Variants in PPM1D observed in about 807,000 individuals in gnomAD.
PPM1D encodes protein phosphatase 1D.
Under a neutral mutation model 58.3 loss-of-function variants are expected in PPM1D, and 52 were observed. The ratio of observed to expected loss-of-function variants is 0.89; its 90% CI spans 0.71 to 1.12. The LOEUF is 1.12. Ranked by LOEUF, PPM1D falls within the 50% of genes most tolerant of loss-of-function variation. The pLI is 0.00. For missense variants in PPM1D, 564 were observed against 777.2 expected (o/e 0.73, Z 3.26); for synonymous variants, 278 against 285.1 (o/e 0.98, Z 0.25).
chr17:60,647,698 C>CT (rs2031273775), intron 3 of PPM1D, among the ~76,000 whole-genome samples, 194 bp from the exon 4 acceptor site: 1 of 152,168 alleles, frequency 6.6e-6, no homozygotes. Context: ...GGTGGATATA[C>CT]TTTATCAGGT....
At chr17:60,638,351 T>C (rs571558210) in intron 3 of PPM1D, among the ~76,000 whole-genome samples, 44 of 152,264 alleles carry the variant, frequency 2.9e-4, no homozygotes, top group African/African-American at 9.6e-4. Context: ...TTTCAAACCA[T>C]TATTCTGACA....
chr17:60,642,352 A>ATTTTT lies in PPM1D; in HGVS notation c.827-5521_827-5517dup, dbSNP rs760188816. ...AAAAATTGTACAGGTAGAAGAATGGATTTTTTTTTTTTTTTTTTTTTTTAC... is the reference window on the plus strand; with the variant it reads ...AAAAATTGTACAGGTAGAAGAATGGATTTTTTTTTTTTTTTTTTTTTTTTTTTTAC... On this transcript the variant is annotated intron_variant, in intron 3 of 5. Transcript: ENST00000305921. Among the ~76,000 whole-genome samples the ATTTTT allele has an allele frequency of 7.6e-4, 95 of 124,848 alleles. 1 individual carries two copies. The highest frequency in any genetic ancestry group is 2.7e-3 in the African/African-American group (86 of 32,254). 81.9% of individuals were successfully genotyped at this position (124,848 alleles called of 152,430 possible). A position where few individuals can be genotyped will look rare whatever the true frequency, so the allele number is the denominator to read the frequency against.
At chr17:60,614,643 C>T (rs1422948196) in intron 1 of PPM1D, among the ~76,000 whole-genome samples, 1 of 152,126 alleles carries the variant, frequency 6.6e-6, no homozygotes, top group African/African-American at 2.4e-5. Flanking sequence ...TGCTGCTGCT[C>T]ACTGGGTCCA....
chr17:60,602,790 A>AC (rs2030244568), intron 1 of PPM1D, among the ~76,000 whole-genome samples: 1 of 150,718 alleles, frequency 6.6e-6, no homozygotes, highest in African/African-American at 2.5e-5. Context: ...AAAAAAAAAA[A>AC]AAAAAAAAAA....
rs1335934551 is a variant in PPM1D at position 60,663,408 on chromosome 17, T to C, written c.1674T>C (p.Ser558=). The change falls in exon 6 of 6, where the codon AGT becomes AGC. Residue 558 remains serine, a synonymous_variant. Transcript: ENST00000305921. Reference sequence around the variant, plus strand: ...ATAGACGAAATGGCTTAAGTCGAAGTAGTGGTGCTCAGCCTGCAAGTCTCC... The same window carrying C: ...ATAGACGAAATGGCTTAAGTCGAAGCAGTGGTGCTCAGCCTGCAAGTCTCC... ...KKHRRNGLSR[S]SGAQPASLPT... is the part of the protein sequence containing the mutation. 6.2e-7 allele frequency: 1 copy of C among 1,614,182 alleles called. No homozygotes were observed. Among genetic ancestry groups the C allele is most frequent in the East Asian group, 2.2e-5 (1 of 44,896 alleles).
intron 3 of PPM1D, among the ~76,000 whole-genome samples, chr17:60,643,663 T>G (rs1196557028): frequency 1.3e-5 from 2 of 152,052 alleles, no homozygotes; most frequent in African/African-American, 4.8e-5. Context: ...TAGATAGCAC[T>G]TTAACCAAAT....
chr17:60,655,554 G>A (rs2031422366), intron 4 of PPM1D, among the ~76,000 whole-genome samples: 1 of 152,000 alleles, frequency 6.6e-6, no homozygotes, highest in Non-Finnish European at 1.5e-5. Flanking sequence ...TCGCCATGTT[G>A]GTCAGGCTGG....
chr17:60,663,183 T>A lies in PPM1D; in HGVS notation c.1449T>A (p.Thr483=), dbSNP rs1405979947. Residue 483 remains threonine (T), a synonymous_variant, in exon 6 of 6, where the codon ACT becomes ACA. Coordinates refer to ENST00000305921, the MANE Select transcript of PPM1D (RefSeq NM_003620.4). ...PLEENCAKAL[T]LRIHDSLNNS... ...AAGAAAATTGCGCTAAAGCCCTGAC[T>A]TTAAGGATACATGATTCTTTGAATA... The A allele has an allele frequency of 6.2e-7, 1 of 1,614,032 alleles. No homozygotes were observed. The highest frequency in any genetic ancestry group is 8.5e-7 in the Non-Finnish European group (1 of 1,179,982).
chr17:60,610,210 A>G (rs1598399549), intron 1 of PPM1D, among the ~76,000 whole-genome samples: 3 of 151,792 alleles, frequency 2.0e-5, no homozygotes, highest in South Asian at 2.1e-4. Flanking sequence ...GTATGTACGT[A>G]TAGGAAAAAA....
At chr17:60,648,361 T>C (rs1431679053) in intron 4 of PPM1D, among the ~76,000 whole-genome samples, 4 of 151,746 alleles carry the variant, frequency 2.6e-5, no homozygotes, top group African/African-American at 9.7e-5. Context: ...AAATGACATA[T>C]AATTTCCATA....
chr17:60,651,726 C>T (rs982003722), intron 4 of PPM1D, among the ~76,000 whole-genome samples: 8 of 152,002 alleles, frequency 5.3e-5, no homozygotes, highest in Non-Finnish European at 1.0e-4. Flanking sequence ...TTTTTTATTT[C>T]GTTTGTGGCA....
chr17:60,624,331 T>TTAAA (rs1294717182), intron 2 of PPM1D, among the ~76,000 whole-genome samples: 1 of 152,224 alleles, frequency 6.6e-6, no homozygotes, highest in Admixed American at 6.5e-5. Context: ...ATCTCAATAC[T>TTAAA]AATTTTTAAA....
At chr17:60,651,312 A>C (rs890251275) in intron 4 of PPM1D, among the ~76,000 whole-genome samples, 2 of 152,162 alleles carry the variant, frequency 1.3e-5, no homozygotes, top group Non-Finnish European at 2.9e-5. Context: ...CCTTTAATCA[A>C]TTCTGAGGTG....
At chr17:60,655,875 G>C (rs2031429557) in intron 4 of PPM1D, among the ~76,000 whole-genome samples, 1 of 150,540 alleles carries the variant, frequency 6.6e-6, no homozygotes, top group Non-Finnish European at 1.5e-5. Flanking sequence ...CTAATTTTTT[G>C]TTTTTTTAGT....
Position 60,656,784 on chromosome 17 carries a change from T to C in PPM1D, c.1203T>C (p.Tyr401=), listed in dbSNP as rs1314041925. 1.1e-5 allele frequency: 18 copies of C among 1,614,062 alleles called. No individual in the cohort carries two copies. Among genetic ancestry groups the C allele is most frequent in the Non-Finnish European group, 1.4e-5 (17 of 1,180,032 alleles). Residue 401 remains tyrosine (Y), a synonymous_variant, in exon 5 of 6, where the codon TAT becomes TAC. Coordinates refer to ENST00000305921, the MANE Select transcript of PPM1D (RefSeq NM_003620.4). ...LYLNLTDSPS[Y]NSQETCVMTP... ...TGAACCTGACTGACAGCCCTTCCTA[T>C]AATAGTCAAGAAACCTGTGTGATGA...
Position 60,663,618 on chromosome 17 carries a change from G to A in PPM1D, c.*66G>A, listed in dbSNP as rs539227762. ...AAGAGGGCTTTTTAAATTTGGTGCC[G>A]ATGTTGAACTTTTTTTAAGGGGAGA... On this transcript the variant is annotated 3_prime_UTR_variant, in exon 6 of 6. Coordinates refer to ENST00000305921, the MANE Select transcript of PPM1D (RefSeq NM_003620.4). 130 of 1,492,234 alleles carry A rather than the reference G, an allele frequency of 8.7e-5. No individual in the cohort carries two copies. Among genetic ancestry groups the A allele is most frequent in the Admixed American group, 6.0e-4 (28 of 46,418 alleles). 92.4% of individuals were successfully genotyped at this position (1,492,234 alleles called of 1,614,324 possible).
intron 4 of PPM1D, 37 bp from the exon 5 acceptor site, chr17:60,656,562 T>C (rs201383758): frequency 1.1e-5 from 18 of 1,601,146 alleles, no homozygotes; most frequent in Non-Finnish European, 8.5e-7. Context: ...CAGCTAAATC[T>C]GAGTTACTTT....
At chr17:60,611,420 G>T (rs1004630552) in intron 1 of PPM1D, among the ~76,000 whole-genome samples, 8 of 151,190 alleles carry the variant, frequency 5.3e-5, no homozygotes, top group East Asian at 2.0e-4. Flanking sequence ...ATTTTGTGGG[G>T]TTTTTTTGTT....
intron 2 of PPM1D, among the ~76,000 whole-genome samples, chr17:60,629,700 AT>A (rs1175910688): frequency 6.6e-6 from 1 of 152,174 alleles, no homozygotes; most frequent in African/African-American, 2.4e-5. Flanking sequence ...AATTTTAAAT[AT>A]TGGTAGGCCT....
Sources: allele counts gnomAD v4.1 joint callset (sites outside exome capture counted in the v4.1 genomes callset), GRCh38; gene constraint gnomAD v4.1.1; transcripts MANE v1.5; gene names NCBI Gene and HGNC (gene_info 2026-07-23, HGNC 2026-07-21).